MGAT4C: variants seen among roughly 807,000 people sequenced by gnomAD.
The protein encoded by MGAT4C is MGAT4 family member C, also known as alpha-1,3-mannosyl-glycoprotein 4-beta-N-acetylglucosaminyltransferase C.
In MGAT4C, 19 loss-of-function variants were observed where a neutral mutation model predicts 40.1. The observed-to-expected ratio is 0.47, with a 90% CI of 0.33 to 0.70. MGAT4C has a LOEUF of 0.70. Ranked by LOEUF, MGAT4C falls within the 30% of genes least tolerant of loss-of-function variation. The pLI, the probability that MGAT4C is intolerant of heterozygous loss-of-function variation, is 0.02. For synonymous variants in MGAT4C, 181 were observed against 187.1 expected (o/e 0.97, Z 0.27); for missense variants, 491 against 563.2 (o/e 0.87, Z 1.30).
intron 1 of MGAT4C, among the ~76,000 whole-genome samples, chr12:86,834,488 C>A (rs1952996761): frequency 6.6e-6 from 1 of 151,658 alleles, no homozygotes; most frequent in Non-Finnish European, 1.5e-5. Flanking sequence ...ACAGAAACAA[C>A]AATAACCATT....
chr12:86,621,982 C>G (rs534209269), intron 2 of MGAT4C, among the ~76,000 whole-genome samples: 1 of 152,268 alleles, frequency 6.6e-6, no homozygotes, highest in African/African-American at 2.4e-5. Context: ...AACTAATACT[C>G]TACAGATTCT....
At chr12:86,660,690 C>T (rs538387965) in intron 2 of MGAT4C, among the ~76,000 whole-genome samples, 96 of 152,200 alleles carry the variant, frequency 6.3e-4, no homozygotes, top group Middle Eastern at 3.4e-3. Flanking sequence ...TAATATTTAA[C>T]GGTACCCTTT....
At chr12:86,745,164 C>A (rs547484880) in intron 1 of MGAT4C, 14 of 151,206 alleles carry the variant, frequency 9.3e-5, no homozygotes, top group Non-Finnish European at 4.4e-5. Context: ...TACACCTGTG[C>A]AAAATAAAGT....
At chr12:85,983,418 A>G in intron 4 of MGAT4C, 105 bp downstream of exon 4, 10 of 1,050,218 alleles carry the variant, frequency 9.5e-6, no homozygotes, top group Non-Finnish European at 1.3e-5. Flanking sequence ...ATAATTTATT[A>G]TATTAGTAAA....
At chr12:86,188,404 A>G (rs1389094095) in intron 1 of MGAT4C, among the ~76,000 whole-genome samples, 1 of 151,892 alleles carries the variant, frequency 6.6e-6, no homozygotes, top group East Asian at 1.9e-4. Flanking sequence ...CATATGGGAC[A>G]TACATGCAAT....
intron 1 of MGAT4C, among the ~76,000 whole-genome samples, chr12:86,176,774 C>T (rs1887484126): frequency 6.8e-6 from 1 of 148,026 alleles, no homozygotes; most frequent in East Asian, 2.0e-4. Flanking sequence ...ATAGTGTGTT[C>T]TATATAATCC....
At chr12:86,784,508 T>A (rs1400750499) in intron 1 of MGAT4C, among the ~76,000 whole-genome samples, 1 of 152,014 alleles carries the variant, frequency 6.6e-6, no homozygotes, top group Non-Finnish European at 1.5e-5. Flanking sequence ...GTGAAAAAGG[T>A]AATTAGAGGA....
At chr12:86,026,769 T>C (rs1194296715) in intron 2 of MGAT4C, among the ~76,000 whole-genome samples, 1 of 151,910 alleles carries the variant, frequency 6.6e-6, no homozygotes, top group Non-Finnish European at 1.5e-5. Flanking sequence ...CCCAGTAAAT[T>C]TAAGCAGATC....
chr12:86,109,883 G>T (rs1417036474), intron 1 of MGAT4C, among the ~76,000 whole-genome samples: 1 of 151,812 alleles, frequency 6.6e-6, no homozygotes, highest in East Asian at 1.9e-4. Context: ...GAAAGAGACA[G>T]GACCTCTGGA....
intron 3 of MGAT4C, among the ~76,000 whole-genome samples, chr12:86,420,804 C>T (rs372640898): frequency 1.0e-4 from 15 of 147,706 alleles, no homozygotes; most frequent in Non-Finnish European, 1.3e-4. Flanking sequence ...TACACACACA[C>T]ATATATATGT....
chr12:86,682,147 A>G (rs1466561020), intron 2 of MGAT4C, among the ~76,000 whole-genome samples: 1 of 152,092 alleles, frequency 6.6e-6, no homozygotes, highest in Admixed American at 6.6e-5. Flanking sequence ...TATAGTTCTA[A>G]CAATTCTGAA....
intron 1 of MGAT4C, among the ~76,000 whole-genome samples, chr12:86,066,915 C>A (rs1396724646): frequency 3.3e-5 from 5 of 152,068 alleles, no homozygotes; most frequent in African/African-American, 1.2e-4. Flanking sequence ...ACAGACACCT[C>A]TCAAAAGAAG....
At chr12:86,447,739 A>G (rs912440957) in intron 2 of MGAT4C, among the ~76,000 whole-genome samples, 2 of 152,224 alleles carry the variant, frequency 1.3e-5, no homozygotes, top group Non-Finnish European at 2.9e-5. Context: ...ACAATAGTAT[A>G]GCTATAGATG....
intron 2 of MGAT4C, among the ~76,000 whole-genome samples, chr12:86,500,850 G>T (rs1342318747): frequency 2.0e-5 from 3 of 151,894 alleles, no homozygotes; most frequent in Admixed American, 6.6e-5. Flanking sequence ...GTTGAATTCA[G>T]GAAAATATAA....
In MGAT4C at chr12:86,503,787, C is replaced by CATATATATATATATAT. The variant is rs10679798; in HGVS notation, c.-228-68538_-228-68523dup. Among the ~76,000 whole-genome samples, 28 of 15,742 alleles carry CATATATATATATATAT rather than the reference C, an allele frequency of 1.8e-3. 7 individuals carry two copies. The highest frequency in any genetic ancestry group is 2.8e-3 in the Non-Finnish European group (23 of 8,274). The allele number at this position is 15,742 out of a possible 152,430, so 10.3% of individuals were successfully genotyped here. On this transcript the variant is annotated intron_variant, in intron 2 of 7. Coordinates refer to the MGAT4C transcript ENST00000548651. Reference sequence around the variant, plus strand: ...ATATATATATATATAGAGTTCTGCTCATATATATATATATATATATATATA... The same window carrying CATATATATATATATAT: ...ATATATATATATATAGAGTTCTGCTCATATATATATATATATATATATATATATATATATATATATA...
At chr12:85,990,173 A>C (rs1486630837) in intron 2 of MGAT4C, among the ~76,000 whole-genome samples, 2 of 152,106 alleles carry the variant, frequency 1.3e-5, no homozygotes, top group African/African-American at 4.8e-5. Context: ...TATTATATTA[A>C]CATTTCCTTG....
At chr12:86,407,748 T>C (rs1302293890) in intron 3 of MGAT4C, among the ~76,000 whole-genome samples, 2 of 152,102 alleles carry the variant, frequency 1.3e-5, no homozygotes, top group Non-Finnish European at 2.9e-5. Flanking sequence ...GTAAGGTTCA[T>C]TTAGTACATA....
intron 2 of MGAT4C, among the ~76,000 whole-genome samples, chr12:86,046,590 C>G (rs535415420): frequency 1.3e-5 from 2 of 152,128 alleles, no homozygotes; most frequent in East Asian, 1.9e-4. Flanking sequence ...GAATTACCCA[C>G]GCAACCTATA....
At chr12:86,155,734 T>C (rs948732372) in intron 1 of MGAT4C, among the ~76,000 whole-genome samples, 1 of 152,186 alleles carries the variant, frequency 6.6e-6, no homozygotes, top group Non-Finnish European at 1.5e-5. Flanking sequence ...TATTTGTGTA[T>C]GTCTCTAAAC....
Sources: allele counts gnomAD v4.1 joint callset (sites outside exome capture counted in the v4.1 genomes callset), GRCh38; gene constraint gnomAD v4.1.1; transcripts MANE v1.5; gene names NCBI Gene and HGNC (gene_info 2026-07-23, HGNC 2026-07-21).